The following CFAP299 variants were observed in gnomAD, a reference collection of about 807,000 sequenced individuals.
CFAP299 encodes the protein cilia and flagella associated protein 299, also known as cilia- and flagella-associated protein 299.
Under a neutral mutation model 27.0 loss-of-function variants are expected in CFAP299, and 21 were observed. That is an observed-to-expected ratio of 0.78 (90% confidence interval 0.55 to 1.12). The LOEUF is 1.12. Among genes scored for constraint, CFAP299 ranks in the 50% most tolerant of loss-of-function variants. CFAP299 has a pLI of 0.00. For synonymous variants in CFAP299, 104 were observed against 98.1 expected (o/e 1.06, Z -0.36); for missense variants, 310 against 276.6 (o/e 1.12, Z -0.86).
chr4:80,471,704 C>T (rs1184266553), intron 2 of CFAP299, among the ~76,000 whole-genome samples: 4 of 151,844 alleles, frequency 2.6e-5, no homozygotes, highest in Non-Finnish European at 5.9e-5. Context: ...CCTTGTGAGC[C>T]ATTTAAATTG....
intron 3 of CFAP299, among the ~76,000 whole-genome samples, chr4:80,783,387 G>A (rs1727046231): frequency 6.6e-6 from 1 of 152,192 alleles, no homozygotes; most frequent in Admixed American, 6.6e-5. Context: ...GCTACCATAC[G>A]AGGCACCTCC....
intron 3 of CFAP299, among the ~76,000 whole-genome samples, chr4:80,668,306 T>C (rs962226179): frequency 1.3e-5 from 2 of 152,162 alleles, no homozygotes; most frequent in Non-Finnish European, 2.9e-5. Flanking sequence ...GCTTTTTAGT[T>C]TGATATAATC....
intron 2 of CFAP299, 87 bp downstream of exon 2, chr4:80,362,971 AAG>A: frequency 7.0e-7 from 1 of 1,421,208 alleles, no homozygotes; most frequent in Non-Finnish European, 9.4e-7. Context: ...TTTAATTTAG[AAG>A]CACTGGGTGG....
At chr4:80,933,544 T>C (rs545478558) in intron 4 of CFAP299, among the ~76,000 whole-genome samples, 4 of 152,292 alleles carry the variant, frequency 2.6e-5, no homozygotes, top group African/African-American at 9.6e-5. Flanking sequence ...TAGACATTTT[T>C]AAATATTAAT....
intron 3 of CFAP299, among the ~76,000 whole-genome samples, chr4:80,764,124 C>T (rs1369925807): frequency 1.3e-5 from 2 of 152,122 alleles, no homozygotes; most frequent in African/African-American, 2.4e-5. Flanking sequence ...AAGTAAAGAG[C>T]TTCTACACAG....
At chr4:80,643,095 G>T (rs571873586) in intron 3 of CFAP299, among the ~76,000 whole-genome samples, 1 of 152,014 alleles carries the variant, frequency 6.6e-6, no homozygotes, top group South Asian at 2.1e-4. Context: ...CTAGGAGTTC[G>T]AGACCAGCTT....
rs565256932 is a variant in CFAP299 at position 80,841,069 on chromosome 4, T to A, written c.334-28924T>A. Among the ~76,000 whole-genome samples the A allele has an allele frequency of 7.9e-5, 12 of 152,244 alleles. No homozygotes were observed. In the South Asian group the frequency reaches 2.5e-3, roughly 32 times the overall value. ...AGATGTATAATTACATACTAGAATG[T>A]AAGAACATTAAAGGTAGAAATAATC... On this transcript the variant is annotated intron_variant, in intron 3 of 5. Coordinates refer to ENST00000358105, the MANE Select transcript of CFAP299 (RefSeq NM_152770.3).
At chr4:80,671,756 C>T (rs1741499711) in intron 3 of CFAP299, among the ~76,000 whole-genome samples, 1 of 151,984 alleles carries the variant, frequency 6.6e-6, no homozygotes, top group Non-Finnish European at 1.5e-5. Flanking sequence ...TCTTTGAAGC[C>T]ACTGTGAATG....
chr4:80,733,319 T>A (rs1210067295), intron 3 of CFAP299, among the ~76,000 whole-genome samples: 1 of 152,070 alleles, frequency 6.6e-6, no homozygotes, highest in South Asian at 2.1e-4. Flanking sequence ...TTCTTTGTAA[T>A]TTTTTATTTT....
intron 3 of CFAP299, among the ~76,000 whole-genome samples, chr4:80,602,039 A>T (rs1033755117): frequency 6.6e-6 from 1 of 152,172 alleles, no homozygotes; most frequent in African/African-American, 2.4e-5. Context: ...AGAGGGGAAC[A>T]ACACATACTG....
At chr4:80,797,286 G>T (rs954722468) in intron 3 of CFAP299, among the ~76,000 whole-genome samples, 9 of 152,104 alleles carry the variant, frequency 5.9e-5, no homozygotes, top group Admixed American at 5.2e-4. Flanking sequence ...TCATTCAAAG[G>T]GTTTTGGGTC....
intron 3 of CFAP299, among the ~76,000 whole-genome samples, chr4:80,635,006 T>G (rs892664979): frequency 1.3e-5 from 2 of 152,172 alleles, no homozygotes; most frequent in Admixed American, 1.3e-4. Context: ...TCATCTCTTA[T>G]TATGCTGTCT....
At chr4:80,690,807 A>C (rs1313532346) in intron 3 of CFAP299, among the ~76,000 whole-genome samples, 1 of 147,464 alleles carries the variant, frequency 6.8e-6, no homozygotes, top group Non-Finnish European at 1.5e-5. Flanking sequence ...CAAGACTAAT[A>C]AAGAAGAAAA....
intron 1 of CFAP299, among the ~76,000 whole-genome samples, chr4:80,353,393 C>T (rs928053478): frequency 3.9e-5 from 6 of 152,170 alleles, no homozygotes; most frequent in African/African-American, 1.2e-4. Flanking sequence ...AGAGTGCTCT[C>T]CAGTAAATTT....
intron 5 of CFAP299, among the ~76,000 whole-genome samples, chr4:80,960,000 G>T (rs1352397408): frequency 2.0e-5 from 3 of 151,596 alleles, no homozygotes; most frequent in Non-Finnish European, 4.4e-5. Context: ...ACTGTTCTTT[G>T]AATTCTTTTC....
intron 2 of CFAP299, among the ~76,000 whole-genome samples, chr4:80,548,820 G>A (rs182176515): frequency 2.2e-4 from 34 of 151,968 alleles, no homozygotes; most frequent in East Asian, 7.7e-4. Flanking sequence ...ATTGTCTTTC[G>A]TGGAAATTGT....
chr4:80,670,394 G>T (rs1255371219), intron 3 of CFAP299, among the ~76,000 whole-genome samples: 1 of 152,154 alleles, frequency 6.6e-6, no homozygotes, highest in African/African-American at 2.4e-5. Context: ...ATCATTGATG[G>T]ACATTTGGGT....
intron 2 of CFAP299, among the ~76,000 whole-genome samples, chr4:80,483,446 A>G (rs1730663297): frequency 6.6e-6 from 1 of 152,182 alleles, no homozygotes; most frequent in East Asian, 1.9e-4. Flanking sequence ...TTTCATTCTT[A>G]TCATTGGATT....
intron 3 of CFAP299, among the ~76,000 whole-genome samples, chr4:80,838,507 T>G (rs1443448673): frequency 1.3e-5 from 2 of 152,198 alleles, no homozygotes; most frequent in African/African-American, 4.8e-5. Context: ...ACACCATTTA[T>G]GAAATAGGGA....
Sources: gnomAD v4.1 joint callset for allele counts (sites outside exome capture counted in the v4.1 genomes callset) on GRCh38, gnomAD v4.1.1 for gene constraint, MANE v1.5 for transcripts, NCBI Gene and HGNC (gene_info 2026-07-23, HGNC 2026-07-21) for gene names.